FILIP1: variants seen among roughly 807,000 people sequenced by gnomAD.
FILIP1 encodes filamin-A-interacting protein 1.
A neutral mutation model predicts 102.1 loss-of-function variants in FILIP1; 61 were observed. The observed-to-expected ratio is 0.60, with a 90% CI of 0.49 to 0.74. The LOEUF is 0.74. Among genes scored for constraint, FILIP1 ranks in the 30% least tolerant of loss-of-function variants. The probability of loss-of-function intolerance (pLI) is 0.00; values close to 1 mark genes in which losing one functional copy is unlikely to be tolerated. For missense variants in FILIP1, 1,314 were observed against 1,441.2 expected (o/e 0.91, Z 1.43); for synonymous variants, 491 against 526.9 (o/e 0.93, Z 0.93).
At chr6:75,382,798 T>C (rs1186393917) in intron 2 of FILIP1, among the ~76,000 whole-genome samples, 6 of 152,352 alleles carry the variant, frequency 3.9e-5, no homozygotes, top group Admixed American at 1.3e-4. Context: ...AATTACTGAA[T>C]AGACTTTGGG....
chr6:75,386,299 C>G (rs762552321), intron 2 of FILIP1: 1 of 152,140 alleles, frequency 6.6e-6, no homozygotes, highest in Non-Finnish European at 1.5e-5. Flanking sequence ...TAACCAGCAT[C>G]GCCAGATTTC....
At chr6:75,435,383 C>T (rs77164408) in intron 1 of FILIP1, among the ~76,000 whole-genome samples, 1,754 of 152,220 alleles carry the variant, frequency 0.012, 27 homozygotes, top group African/African-American at 0.04. Flanking sequence ...ATTTCTTTGC[C>T]TCTTTAAGTC....
chr6:75,366,262 A>C (rs1448910900), intron 2 of FILIP1, among the ~76,000 whole-genome samples: 1 of 152,248 alleles, frequency 6.6e-6, no homozygotes, highest in East Asian at 1.9e-4. Flanking sequence ...TTATGGATAA[A>C]GGTAATCAGA....
intron 2 of FILIP1, among the ~76,000 whole-genome samples, chr6:75,410,728 T>C (rs1323905666): frequency 6.6e-6 from 1 of 152,226 alleles, no homozygotes; most frequent in African/African-American, 2.4e-5. Flanking sequence ...GGATATGAAC[T>C]CATTCTTTTT....
chr6:75,406,071 C>T (rs558415393), intron 2 of FILIP1, among the ~76,000 whole-genome samples: 4 of 152,226 alleles, frequency 2.6e-5, no homozygotes, highest in Non-Finnish European at 4.4e-5. Flanking sequence ...CCAAAGAATG[C>T]CCTTTAGTCC....
Position 75,308,323 on chromosome 6 carries a change from T to A in FILIP1, c.*368A>T. The A allele has an allele frequency of 9.9e-7, 1 of 1,011,522 alleles. No homozygotes were observed. The allele number at this position is 1,011,522 out of a possible 1,614,324, so 62.7% of individuals were successfully genotyped here. On this transcript the variant is annotated 3_prime_UTR_variant, in exon 6 of 6. Coordinates refer to ENST00000237172, the MANE Select transcript of FILIP1 (RefSeq NM_015687.5). ...AAAATTATTGTGGAACAAGGTACAT[T>A]AAATTTGGCTTGCAATTAGGAAATA... is the stretch of plus-strand genomic sequence containing the variant.
chr6:75,314,659 T>C lies in FILIP1; in HGVS notation c.1173A>G (p.Glu391=). The change falls in exon 5 of 6, where the codon GAA becomes GAG. Residue 391 remains glutamate (E), a synonymous_variant. Transcript: ENST00000237172. Reference sequence around the variant, plus strand: ...TTTTAGTGATCTCCTCATCTTTACCTTCCATTTCAAGCACACGCTTTCGAA... The same window carrying C: ...TTTTAGTGATCTCCTCATCTTTACCCTCCATTTCAAGCACACGCTTTCGAA... ...ENLRKRVLEM[E]GKDEEITKTE... The C allele has an allele frequency of 6.2e-7, 1 of 1,613,726 alleles. No individual in the cohort carries two copies. Among genetic ancestry groups the C allele is most frequent in the Non-Finnish European group, 8.5e-7 (1 of 1,179,948 alleles).
At chr6:75,435,798 T>A (rs1196729020) in intron 1 of FILIP1, among the ~76,000 whole-genome samples, 1 of 152,160 alleles carries the variant, frequency 6.6e-6, no homozygotes, top group Non-Finnish European at 1.5e-5. Flanking sequence ...AGGAAGAGAA[T>A]CTCAGGAAGG....
intron 4 of FILIP1, among the ~76,000 whole-genome samples, chr6:75,349,631 G>T (rs937178299): frequency 1.3e-5 from 2 of 152,208 alleles, no homozygotes; most frequent in African/African-American, 4.8e-5. Context: ...ACTTGGAACA[G>T]TCTATAGGAC....
intron 2 of FILIP1, among the ~76,000 whole-genome samples, chr6:75,367,887 T>C (rs1220583506): frequency 6.6e-6 from 1 of 152,214 alleles, no homozygotes; most frequent in Non-Finnish European, 1.5e-5. Context: ...AAACTTCTGT[T>C]CTTGAGCATT....
In FILIP1 at chr6:75,314,930, A is replaced by G. The variant is rs1476121469; in HGVS notation, c.902T>C (p.Val301Ala). The change falls in exon 5 of 6, where the codon GTG becomes GCG. Residue 301 changes from valine (V) to alanine (A), a missense_variant. Transcript: ENST00000237172. ...CCTCGAAGCCTTGTGTTCAAAGTCC[A>G]CTTCTAACTTGAGCAATTTCTGTCT... ...EDRQKLLKLE[V>A]DFEHKASRFS... 1.2e-6 allele frequency: 2 copies of G among 1,614,124 alleles called. No homozygotes were observed. The highest frequency in any genetic ancestry group is 1.7e-6 in the Non-Finnish European group (2 of 1,180,016).
At chr6:75,448,142 C>A (rs1052514755) in intron 1 of FILIP1, among the ~76,000 whole-genome samples, 1 of 152,230 alleles carries the variant, frequency 6.6e-6, no homozygotes, top group East Asian at 1.9e-4. Flanking sequence ...TGAACATTCA[C>A]ATTTATTAAA....
intron 2 of FILIP1, among the ~76,000 whole-genome samples, chr6:75,380,267 A>C (rs896651802): frequency 6.6e-6 from 1 of 152,166 alleles, no homozygotes; most frequent in Non-Finnish European, 1.5e-5. Context: ...ACTATACTTA[A>C]TTATAAAGAG....
intron 1 of FILIP1, chr6:75,473,927 C>T (rs1041217147): frequency 6.6e-6 from 1 of 152,126 alleles, no homozygotes; most frequent in Non-Finnish European, 1.5e-5. Flanking sequence ...TACACACATA[C>T]AATTTTGGCA....
chr6:75,446,576 T>C (rs1778448052), intron 1 of FILIP1, among the ~76,000 whole-genome samples: 1 of 152,150 alleles, frequency 6.6e-6, no homozygotes, highest in Admixed American at 6.5e-5. Flanking sequence ...GGTAAACATT[T>C]CGTTTACCTG....
intron 1 of FILIP1, among the ~76,000 whole-genome samples, chr6:75,491,871 C>T (rs148582983): frequency 2.4e-4 from 36 of 152,266 alleles, no homozygotes; most frequent in African/African-American, 8.4e-4. Context: ...ACTTAGTTAT[C>T]GCCACACTGT....
At chr6:75,361,006 A>G (rs983586193) in intron 3 of FILIP1, 2 of 152,170 alleles carry the variant, frequency 1.3e-5, no homozygotes, top group Non-Finnish European at 2.9e-5. Flanking sequence ...CTATCATTCT[A>G]TTTCTCTCAC....
intron 1 of FILIP1, among the ~76,000 whole-genome samples, chr6:75,465,854 C>A (rs1175652557): frequency 6.6e-6 from 1 of 152,168 alleles, no homozygotes; most frequent in East Asian, 1.9e-4. Flanking sequence ...GAGTAAAAGT[C>A]AAAATTCTTA....
chr6:75,476,240 CAA>C (rs66500271), intron 1 of FILIP1, among the ~76,000 whole-genome samples: 3,443 of 122,612 alleles, frequency 0.028, 80 homozygotes, highest in East Asian at 0.14. Context: ...GACTCCATCT[CAA>C]AAAAAAAAAA....
Sources: allele counts gnomAD v4.1 joint callset (sites outside exome capture counted in the v4.1 genomes callset), GRCh38; gene constraint gnomAD v4.1.1; transcripts MANE v1.5; gene names NCBI Gene and HGNC (gene_info 2026-07-23, HGNC 2026-07-21).